The following IL1RAPL2 variants were observed in gnomAD, a reference collection of about 807,000 sequenced individuals.
IL1RAPL2 encodes the protein X-linked interleukin-1 receptor accessory protein-like 2.
IL1RAPL2 carries 3 observed loss-of-function variants against 44.1 expected under a neutral mutation model. That is an observed-to-expected ratio of 0.07 (90% CI 0.03 to 0.18). The LOEUF is 0.18. Among genes scored for constraint, IL1RAPL2 ranks in the 10% least tolerant of loss-of-function variants. IL1RAPL2 has a pLI of 1.00. For missense variants in IL1RAPL2, 391 were observed against 496.4 expected, an observed-to-expected ratio of 0.79 and a Z score of 2.02; for synonymous variants, 181 against 178.8, an observed-to-expected ratio of 1.01 and a Z score of -0.10.
At chrX:104,810,233 G>A (rs1602738563) in intron 2 of IL1RAPL2, among the ~76,000 whole-genome samples, 1 of 109,916 alleles carries the variant, frequency 9.1e-6, no homozygotes, top group Non-Finnish European at 1.9e-5. Context: ...ATGGACACAG[G>A]AAGGGGAACA....
At chrX:105,680,190 G>A (rs1381462223) in intron 6 of IL1RAPL2, among the ~76,000 whole-genome samples, 2 of 111,315 alleles carry the variant, frequency 1.8e-5, no homozygotes, top group African/African-American at 3.3e-5. Context: ...AAGTAGAGAC[G>A]GTGTTTCACC....
chrX:105,549,113 A>G (rs2036831407), intron 6 of IL1RAPL2, among the ~76,000 whole-genome samples: 1 of 111,466 alleles, frequency 9.0e-6, no homozygotes, highest in Non-Finnish European at 1.9e-5. Context: ...TCCAAATCCC[A>G]GTATGAAGTA....
intron 2 of IL1RAPL2, among the ~76,000 whole-genome samples, chrX:105,160,333 A>G (rs1176533047): frequency 9.0e-6 from 1 of 110,896 alleles, no homozygotes; most frequent in East Asian, 2.8e-4. Context: ...GCAGATATGG[A>G]AATTGTCCTG....
At chrX:105,244,668 A>T (rs1419443733) in intron 4 of IL1RAPL2, among the ~76,000 whole-genome samples, 1 of 112,108 alleles carries the variant, frequency 8.9e-6, no homozygotes, top group East Asian at 2.8e-4. Context: ...TGGTCATTCA[A>T]TACTCCTTGG....
intron 2 of IL1RAPL2, among the ~76,000 whole-genome samples, chrX:104,904,891 A>G (rs1439755653): frequency 2.7e-5 from 3 of 110,987 alleles, no homozygotes; most frequent in African/African-American, 9.8e-5. Flanking sequence ...GACTTCCACA[A>G]TGGTTGAACT....
At chrX:105,033,440 A>C (rs1280411972) in intron 2 of IL1RAPL2, among the ~76,000 whole-genome samples, 1 of 111,126 alleles carries the variant, frequency 9.0e-6, no homozygotes, top group Non-Finnish European at 1.9e-5. Flanking sequence ...ATCTCTCAGC[A>C]TTTGCTTCTC....
chrX:104,676,052 C>T (rs1031858663), intron 2 of IL1RAPL2, among the ~76,000 whole-genome samples: 15 of 108,044 alleles, frequency 1.4e-4, no homozygotes, highest in African/African-American at 5.0e-4. Flanking sequence ...ACTCTTTATC[C>T]AATTTGCCAG....
intron 2 of IL1RAPL2, among the ~76,000 whole-genome samples, chrX:104,812,729 T>G (rs1351357364): frequency 1.8e-5 from 2 of 111,232 alleles, no homozygotes; most frequent in East Asian, 5.7e-4. Context: ...GTTTGAGTTA[T>G]GTGTCCATTC....
chrX:104,620,082 A>T (rs759238243), intron 1 of IL1RAPL2, among the ~76,000 whole-genome samples: 1 of 111,581 alleles, frequency 9.0e-6, no homozygotes, highest in Non-Finnish European at 1.9e-5. Context: ...AAGAGTAGGA[A>T]ACCATTAGGA....
In IL1RAPL2 at chrX:105,415,589, T is replaced by C. The variant is rs1338904398; in HGVS notation, c.698-68724T>C. On this transcript the variant is annotated intron_variant, in intron 5 of 10. Coordinates refer to ENST00000372582, the MANE Select transcript of IL1RAPL2 (RefSeq NM_017416.2). ...GTACTTTCTTTATATTTTTTTCTAA[T>C]TAGAAATTTATTTTTCCCTGTCAAA... Among the ~76,000 whole-genome samples the C allele has an allele frequency of 1.3e-4, 14 of 111,654 alleles. No individual in the cohort carries two copies. The Admixed American group carries it at 1.3e-3, about 11-fold the overall frequency.
At chrX:105,023,516 T>C in intron 2 of IL1RAPL2, among the ~76,000 whole-genome samples, 1 of 111,640 alleles carries the variant, frequency 9.0e-6, no homozygotes, top group South Asian at 3.7e-4. Context: ...TGTGTACGTG[T>C]GTACTGCTGC....
chrX:105,223,007 G>A (rs1296959787), intron 3 of IL1RAPL2, among the ~76,000 whole-genome samples: 2 of 110,644 alleles, frequency 1.8e-5, no homozygotes, highest in African/African-American at 6.6e-5. Flanking sequence ...AAAATTAGCT[G>A]GGCGTAATGG....
chrX:105,024,830 T>C (rs2031339936), intron 2 of IL1RAPL2, among the ~76,000 whole-genome samples: 1 of 111,673 alleles, frequency 9.0e-6, no homozygotes, highest in Non-Finnish European at 1.9e-5. Flanking sequence ...GGATTCTCAT[T>C]AGTTGTTATC....
chrX:105,225,782 G>T (rs1414260528), intron 3 of IL1RAPL2, among the ~76,000 whole-genome samples: 1 of 109,254 alleles, frequency 9.2e-6, no homozygotes, highest in Non-Finnish European at 1.9e-5. Context: ...CGCCTCTCAG[G>T]TTCAAGTGAT....
At chrX:105,065,886 T>A (rs1268512735) in intron 2 of IL1RAPL2, among the ~76,000 whole-genome samples, 2 of 111,699 alleles carry the variant, frequency 1.8e-5, no homozygotes, top group East Asian at 2.8e-4. Flanking sequence ...TAGGTTTATC[T>A]GTATGTTTAT....
At chrX:105,566,529 C>G (rs1322141757) in intron 6 of IL1RAPL2, among the ~76,000 whole-genome samples, 1 of 111,673 alleles carries the variant, frequency 9.0e-6, no homozygotes, top group African/African-American at 3.3e-5. Context: ...AATTACTCGA[C>G]AAGAAGTTTG....
chrX:105,356,181 T>G (rs868501306), intron 5 of IL1RAPL2, among the ~76,000 whole-genome samples: 44 of 99,145 alleles, frequency 4.4e-4, no homozygotes, highest in African/African-American at 2.1e-3. Context: ...TGTGTGTGTG[T>G]GTGGTTTGTT....
intron 2 of IL1RAPL2, among the ~76,000 whole-genome samples, chrX:105,059,442 G>C (rs1314512256): frequency 8.9e-6 from 1 of 112,234 alleles, no homozygotes; most frequent in African/African-American, 3.2e-5. Context: ...CCATGTTGTT[G>C]CAAATGACAG....
chrX:105,333,558 A>G (rs946329650), intron 5 of IL1RAPL2, among the ~76,000 whole-genome samples: 1 of 111,892 alleles, frequency 8.9e-6, no homozygotes, highest in African/African-American at 3.2e-5. Context: ...AAAGGAAACA[A>G]CCAACAAAGT....
Sources: gnomAD v4.1 joint callset for allele counts (sites outside exome capture counted in the v4.1 genomes callset) on GRCh38, gnomAD v4.1.1 for gene constraint, MANE v1.5 for transcripts, NCBI Gene and HGNC (gene_info 2026-07-23, HGNC 2026-07-21) for gene names.